The following LGR6 variants were observed in gnomAD, a reference collection of about 807,000 sequenced individuals.
LGR6 encodes leucine rich repeat containing G protein-coupled receptor 6.
Under a neutral mutation model 69.4 loss-of-function variants are expected in LGR6, and 45 were observed. The observed-to-expected ratio is 0.65, with a 90% CI of 0.51 to 0.83. The LOEUF (loss-of-function observed/expected upper bound fraction) is 0.83, where lower values mean the gene tolerates loss of function less well. LGR6 is among the 40% of genes least tolerant of loss of function. The pLI is 0.00. For missense variants in LGR6, 1,108 were observed against 1,246.7 expected, an observed-to-expected ratio of 0.89 and a Z score of 1.68; for synonymous variants, 538 against 555.0, an observed-to-expected ratio of 0.97 and a Z score of 0.43.
chr1:202,292,644 G>T (rs989119712), intron 6 of LGR6, among the ~76,000 whole-genome samples: 1 of 149,050 alleles, frequency 6.7e-6, no homozygotes, highest in Non-Finnish European at 1.5e-5. Flanking sequence ...CACCTACTGT[G>T]AAGGAGGCTG....
At chr1:202,308,819 T>C (rs983156277) in intron 14 of LGR6, among the ~76,000 whole-genome samples, 1 of 152,240 alleles carries the variant, frequency 6.6e-6, no homozygotes, top group African/African-American at 2.4e-5. Context: ...GGCACCGTTA[T>C]GTATTGAATG....
intron 1 of LGR6, among the ~76,000 whole-genome samples, chr1:202,221,120 C>T (rs973238862): frequency 3.3e-5 from 5 of 152,062 alleles, no homozygotes; most frequent in African/African-American, 1.2e-4. Context: ...CAGGTGGGCA[C>T]AGTTCCCCCA....
At chr1:202,222,465 C>T (rs1660227329) in intron 1 of LGR6, among the ~76,000 whole-genome samples, 1 of 152,130 alleles carries the variant, frequency 6.6e-6, no homozygotes, top group South Asian at 2.1e-4. Flanking sequence ...CGGCCCGGCC[C>T]CTGGGGGGAC....
intron 15 of LGR6, 95 bp downstream of exon 15, chr1:202,309,271 T>G: frequency 6.8e-7 from 1 of 1,471,446 alleles, no homozygotes; most frequent in South Asian, 1.3e-5. Flanking sequence ...GAGAAGAGCC[T>G]AGAGGCTTAG....
intron 4 of LGR6, chr1:202,236,209 G>C (rs979672266): frequency 3.5e-6 from 2 of 569,122 alleles, no homozygotes; most frequent in African/African-American, 3.8e-5. Flanking sequence ...TTCAGGAAAA[G>C]AGTGCTCCCA....
At chr1:202,308,516 G>A (rs557477602) in intron 14 of LGR6, among the ~76,000 whole-genome samples, 51 of 152,242 alleles carry the variant, frequency 3.3e-4, no homozygotes, top group East Asian at 7.7e-4. Context: ...GCATGTCCTC[G>A]CCTCTGGCTA....
At position 202,225,492 on chromosome 1, in the gene LGR6, G is replaced by A; in HGVS notation, c.282G>A (p.Glu94=). 3 of 1,613,524 alleles carry A rather than the reference G, an allele frequency of 1.9e-6. No homozygotes were observed. The highest frequency in any genetic ancestry group is 2.5e-6 in the Non-Finnish European group (3 of 1,179,494). The change falls in exon 2 of 18, where the codon GAG becomes GAA. Residue 94 remains glutamate (E), a splice_region_variant and synonymous_variant. Transcript: ENST00000367278. ...GLFHHLRFLE[E]LRLSGNHLSH... is the part of the protein sequence containing the mutation. ...TCCACCACCTGCGCTTCTTGGAGGA[G>A]CTGTGAGTAGATGCTTTGCAGGGTG...
intron 4 of LGR6, among the ~76,000 whole-genome samples, chr1:202,262,640 C>T (rs918439080): frequency 2.0e-5 from 3 of 152,212 alleles, no homozygotes; most frequent in South Asian, 2.1e-4. Context: ...GCTCCATTCA[C>T]TCTGGGTTTA....
intron 1 of LGR6, among the ~76,000 whole-genome samples, chr1:202,211,520 C>T (rs1558007939): frequency 6.6e-6 from 1 of 152,148 alleles, no homozygotes; most frequent in African/African-American, 2.4e-5. Context: ...TGCCACCACA[C>T]CCGGCTAATT....
Position 202,193,906 on chromosome 1 carries a change from C to T in LGR6, c.-84C>T. On this transcript the variant is annotated 5_prime_UTR_variant, in exon 1 of 18. Transcript: ENST00000367278. ...CGGTCCCCACCGACGGTGCAGCCCGCCGGGACCGGGAGGAAGCAGCTGCGG... is the reference window on the plus strand; with the variant it reads ...CGGTCCCCACCGACGGTGCAGCCCGTCGGGACCGGGAGGAAGCAGCTGCGG... 1.1e-6 allele frequency: 1 copy of T among 926,676 alleles called. No homozygotes were observed. Among genetic ancestry groups the T allele is most frequent in the East Asian group, 4.2e-5 (1 of 23,772 alleles). The allele number at this position is 926,676 out of a possible 1,614,324, so 57.4% of individuals were successfully genotyped here. A position where few individuals can be genotyped will look rare whatever the true frequency, so the allele number is the denominator to read the frequency against.
chr1:202,273,670 T>A (rs1300886915), intron 4 of LGR6, among the ~76,000 whole-genome samples: 1 of 151,888 alleles, frequency 6.6e-6, no homozygotes, highest in Non-Finnish European at 1.5e-5. Context: ...TTGGTCAGGC[T>A]GGTCTCGAAC....
chr1:202,199,385 C>T (rs969758630), intron 1 of LGR6, among the ~76,000 whole-genome samples: 5 of 151,968 alleles, frequency 3.3e-5, no homozygotes, highest in Non-Finnish European at 1.5e-5. Flanking sequence ...GGGGGGTCGC[C>T]GGAGGTGGGT....
At chr1:202,249,925 C>G (rs771991027) in intron 4 of LGR6, among the ~76,000 whole-genome samples, 1 of 152,186 alleles carries the variant, frequency 6.6e-6, no homozygotes. Flanking sequence ...GATCATGTCA[C>G]TCCCCTGCTT....
At chr1:202,289,989 A>G (rs187970821) in intron 6 of LGR6, among the ~76,000 whole-genome samples, 1,692 of 152,378 alleles carry the variant, frequency 0.011, 21 homozygotes, top group South Asian at 0.019. Context: ...AAACCCAATT[A>G]ATGATATTCA....
intron 16 of LGR6, among the ~76,000 whole-genome samples, chr1:202,313,808 C>G (rs146329465): frequency 1.8e-4 from 27 of 152,252 alleles, no homozygotes; most frequent in African/African-American, 6.5e-4. Flanking sequence ...ATCGGGATAT[C>G]CTTTGCCTTA....
At chr1:202,295,587 G>C (rs954376060) in intron 6 of LGR6, among the ~76,000 whole-genome samples, 1 of 152,158 alleles carries the variant, frequency 6.6e-6, no homozygotes, top group Non-Finnish European at 1.5e-5. Flanking sequence ...GTAGCCCCTG[G>C]TAGAACTCCA....
intron 1 of LGR6, among the ~76,000 whole-genome samples, chr1:202,222,110 C>T (rs564036665): frequency 1.1e-4 from 16 of 152,342 alleles, no homozygotes; most frequent in African/African-American, 2.6e-4. Flanking sequence ...TGGTGGCTCT[C>T]GGCCTTGAAA....
chr1:202,217,920 T>C (rs1659892708), intron 1 of LGR6, among the ~76,000 whole-genome samples: 1 of 152,226 alleles, frequency 6.6e-6, no homozygotes, highest in Non-Finnish European at 1.5e-5. Context: ...ATAGACACAC[T>C]TTTTCCTGAT....
chr1:202,266,959 A>G (rs926148095), intron 4 of LGR6, among the ~76,000 whole-genome samples: 17 of 152,108 alleles, frequency 1.1e-4, no homozygotes, highest in Middle Eastern at 3.2e-3. Context: ...TTGCTAGACT[A>G]TGAGTTCCTT....
Sources: gnomAD v4.1 joint callset for allele counts (sites outside exome capture counted in the v4.1 genomes callset) on GRCh38, gnomAD v4.1.1 for gene constraint, MANE v1.5 for transcripts, NCBI Gene and HGNC (gene_info 2026-07-23, HGNC 2026-07-21) for gene names.